SDK2: variants seen among roughly 807,000 people sequenced by gnomAD.
SDK2 encodes the protein sidekick cell adhesion molecule 2, also known as protein sidekick-2.
SDK2 carries 105 observed loss-of-function variants against 253.9 expected under a neutral mutation model. The ratio of observed to expected loss-of-function variants is 0.41; its 90% CI spans 0.35 to 0.49. The LOEUF (loss-of-function observed/expected upper bound fraction) is 0.49, where lower values mean the gene tolerates loss of function less well. Ranked by LOEUF, SDK2 falls within the 20% of genes least tolerant of loss-of-function variation. The pLI is 0.06. For synonymous variants in SDK2, 1,249 were observed against 1,234.9 expected (o/e 1.01, Z -0.24); for missense variants, 2,608 against 3,003.0 (o/e 0.87, Z 3.07).
At chr17:73,592,667 G>A (rs919384611) in intron 1 of SDK2, among the ~76,000 whole-genome samples, 7 of 152,328 alleles carry the variant, frequency 4.6e-5, no homozygotes, top group South Asian at 2.1e-4. Context: ...CCGGGGAAGC[G>A]CGAGGACAGG....
At chr17:73,575,814 G>GGA (rs1401606360) in intron 1 of SDK2, among the ~76,000 whole-genome samples, 1 of 152,246 alleles carries the variant, frequency 6.6e-6, no homozygotes, top group East Asian at 1.9e-4. Context: ...GCTAGGGCTA[G>GGA]GAGAGGAAGA....
intron 4 of SDK2, among the ~76,000 whole-genome samples, chr17:73,452,318 T>C (rs2063495867): frequency 6.6e-6 from 1 of 152,108 alleles, no homozygotes; most frequent in Non-Finnish European, 1.5e-5. Flanking sequence ...TGTGTATCTC[T>C]GACACACAGA....
chr17:73,363,120 G>A (rs1324237191), intron 38 of SDK2, among the ~76,000 whole-genome samples: 1 of 152,188 alleles, frequency 6.6e-6, no homozygotes, highest in East Asian at 1.9e-4. Context: ...TTTCACTATT[G>A]TTGCCCAGGC....
At chr17:73,454,813 C>T (rs1397857093) in intron 4 of SDK2, among the ~76,000 whole-genome samples, 1 of 152,188 alleles carries the variant, frequency 6.6e-6, no homozygotes, top group Non-Finnish European at 1.5e-5. Context: ...AAGCGATTCT[C>T]CTGCCTCAGC....
chr17:73,394,125 A>C, intron 26 of SDK2, 84 bp downstream of exon 26: 1 of 782,568 alleles, frequency 1.3e-6, no homozygotes, highest in South Asian at 2.8e-5. Context: ...AGAGACCTAG[A>C]GGGTGATAAG....
intron 1 of SDK2, chr17:73,517,850 C>G (rs2064042018): frequency 1.3e-5 from 2 of 152,390 alleles, no homozygotes; most frequent in Admixed American, 1.3e-4. Flanking sequence ...GGAGCCCTTT[C>G]TTACCTTCTT....
rs148260127 is a variant in SDK2 at position 73,495,814 on chromosome 17, C to T, written c.224+11624G>A. 1.8e-3 allele frequency among the ~76,000 whole-genome samples: 273 copies of T among 152,282 alleles called. 5 individuals are homozygous for T. The South Asian group carries it at 0.04, about 22-fold the overall frequency. On this transcript the variant is annotated intron_variant, in intron 2 of 44. Transcript: ENST00000392650. ...CTCTCCCATTCCTCCCTGAGGATTTCGCCATTTCCAAACTCGTTAACTTTT... is the reference window on the plus strand; with the variant it reads ...CTCTCCCATTCCTCCCTGAGGATTTTGCCATTTCCAAACTCGTTAACTTTT...
rs2063240492 is a variant in SDK2 at position 73,422,437 on chromosome 17, G to A, written c.1898-3C>T. On this transcript the variant is annotated splice_region_variant and splice_polypyrimidine_tract_variant and intron_variant, in intron 14 of 44. Coordinates refer to ENST00000392650, the MANE Select transcript of SDK2 (RefSeq NM_001144952.2). ...CAGGAGTACAGTCCAGGGGGCATCT[G>A]CAGGGACAGTGAGTGGGGCAGAAGT... is the stretch of plus-strand genomic sequence containing the variant. The A allele has an allele frequency of 6.2e-7, 1 of 1,613,724 alleles. No homozygotes were observed. The highest frequency in any genetic ancestry group is 1.3e-5 in the African/African-American group (1 of 75,034).
chr17:73,495,157 C>T (rs918848957), intron 2 of SDK2, among the ~76,000 whole-genome samples: 2 of 152,300 alleles, frequency 1.3e-5, no homozygotes, highest in East Asian at 3.9e-4. Context: ...GGGTGGCCAG[C>T]CAGCTCTTTA....
At chr17:73,574,782 C>T (rs1158140100) in intron 1 of SDK2, among the ~76,000 whole-genome samples, 3 of 152,200 alleles carry the variant, frequency 2.0e-5, no homozygotes, top group Non-Finnish European at 4.4e-5. Flanking sequence ...ATCAGATGCT[C>T]CTGGTAATAA....
chr17:73,470,448 T>C (rs1297595212), intron 3 of SDK2, among the ~76,000 whole-genome samples: 1 of 152,114 alleles, frequency 6.6e-6, no homozygotes, highest in Non-Finnish European at 1.5e-5. Flanking sequence ...CACACACACA[T>C]ATGCAGTCTC....
intron 2 of SDK2, among the ~76,000 whole-genome samples, chr17:73,475,746 A>T (rs891027238): frequency 2.0e-5 from 3 of 152,198 alleles, no homozygotes; most frequent in Non-Finnish European, 2.9e-5. Flanking sequence ...AAACAATCTC[A>T]TAGTTGACTG....
intron 1 of SDK2, among the ~76,000 whole-genome samples, chr17:73,563,248 A>G (rs930320721): frequency 2.6e-5 from 4 of 152,224 alleles, no homozygotes; most frequent in East Asian, 3.8e-4. Flanking sequence ...AAATCACATT[A>G]TAGCTCAAAT....
At chr17:73,418,853 T>A (rs546347721) in intron 16 of SDK2, among the ~76,000 whole-genome samples, 7 of 152,308 alleles carry the variant, frequency 4.6e-5, no homozygotes, top group African/African-American at 1.7e-4. Context: ...TATTCGCGGC[T>A]TCCCAGAGCG....
chr17:73,558,463 G>C (rs1408042129), intron 1 of SDK2, among the ~76,000 whole-genome samples: 1 of 150,194 alleles, frequency 6.7e-6, no homozygotes, highest in African/African-American at 2.5e-5. Flanking sequence ...GAGGAAGAAA[G>C]GAAGGAAGGG....
At position 73,501,811 on chromosome 17, in the gene SDK2, T is replaced by G. The variant is rs576236821; in HGVS notation, c.224+5627A>C. ...TCACATCTTTTGCACCAGGGTGGGCTTGACCTGTAGAATCCCAGGTATTCC... is the reference window on the plus strand; with the variant it reads ...TCACATCTTTTGCACCAGGGTGGGCGTGACCTGTAGAATCCCAGGTATTCC... On this transcript the variant is annotated intron_variant, in intron 2 of 44. Coordinates refer to ENST00000392650, the MANE Select transcript of SDK2 (RefSeq NM_001144952.2). 3.4e-4 allele frequency among the ~76,000 whole-genome samples: 52 copies of G among 152,350 alleles called. 1 individual carries two copies. Among genetic ancestry groups the G allele is most frequent in the African/African-American group, 1.1e-3 (45 of 41,574 alleles).
intron 26 of SDK2, 34 bp from the exon 27 acceptor site, chr17:73,393,783 G>A (rs777241078): frequency 1.4e-6 from 2 of 1,476,036 alleles, no homozygotes; most frequent in Admixed American, 2.0e-5. Context: ...AGGGCCTCAG[G>A]CCTGCATCTC....
Position 73,443,015 on chromosome 17 carries a change from C to T in SDK2, c.614-2092G>A, listed in dbSNP as rs2063427813. Among the ~76,000 whole-genome samples the T allele has an allele frequency of 6.6e-6, 1 of 152,038 alleles. No homozygotes were observed. Among genetic ancestry groups the T allele is most frequent in the Non-Finnish European group, 1.5e-5 (1 of 68,016 alleles). On this transcript the variant is annotated intron_variant, in intron 5 of 44. Transcript: ENST00000392650. This position sits in a 1 kb window ranked among gnomAD's most constrained non-coding sequence, Gnocchi z 4.6. The stretch of plus-strand genomic sequence containing the variant: ...GATCCATGGCTCCTGAAAATACAAC[C>T]TCTGAGGACTTTTTCTCCACAACAA...
At chr17:73,437,679 G>T in intron 8 of SDK2, 60 bp downstream of exon 8, 2 of 1,340,672 alleles carry the variant, frequency 1.5e-6, no homozygotes, top group Non-Finnish European at 1.1e-6. Flanking sequence ...TCCACAATGA[G>T]GATGGGAGAG....
Sources: allele counts gnomAD v4.1 joint callset (sites outside exome capture counted in the v4.1 genomes callset), GRCh38; gene constraint gnomAD v4.1.1; non-coding constraint Gnocchi (gnomAD v3.1); transcripts MANE v1.5; gene names NCBI Gene and HGNC (gene_info 2026-07-23, HGNC 2026-07-21).